The following PTGFRN variants were observed in gnomAD, a reference collection of about 807,000 sequenced individuals.
The protein encoded by PTGFRN is prostaglandin F2 receptor inhibitor.
A neutral mutation model predicts 83.2 loss-of-function variants in PTGFRN; 35 were observed. That is an observed-to-expected ratio of 0.42 (90% CI 0.32 to 0.56). The LOEUF is 0.56. Among genes scored for constraint, PTGFRN ranks in the 20% least tolerant of loss-of-function variants. The pLI is 0.11. For missense variants in PTGFRN, 1,051 were observed against 1,179.5 expected (o/e 0.89, Z 1.60); for synonymous variants, 519 against 498.6 (o/e 1.04, Z -0.55).
At chr1:116,936,351 G>A (rs1364572309) in intron 1 of PTGFRN, among the ~76,000 whole-genome samples, 1 of 152,212 alleles carries the variant, frequency 6.6e-6, no homozygotes, top group African/African-American at 2.4e-5. Flanking sequence ...GGACATCCTA[G>A]TTCTGCATGC....
chr1:116,944,717 C>A lies in PTGFRN; in HGVS notation c.457C>A (p.Pro153Thr), dbSNP rs536488109. ...CCTGCACGTGGGCCCCAGCGCGCGG[C>A]CCCCGCCGAGCCTGAGCCTGCGGGA... ...DSLHVGPSAR[P>T]PPSLSLREGE... The change falls in exon 3 of 9, where the codon CCC (proline) becomes ACC (threonine). Residue 153 changes from proline (P) to threonine (T), a missense_variant. This residue lies in a region of PTGFRN where 205 missense variants were observed against 174.5 expected (regional missense o/e 1.17). Coordinates refer to ENST00000393203, the MANE Select transcript of PTGFRN (RefSeq NM_020440.4). 539 of 1,449,224 alleles carry A rather than the reference C, an allele frequency of 3.7e-4. 1 individual carries two copies. The African/African-American group carries it at 7.5e-3, about 20-fold the overall frequency. 89.8% of individuals were successfully genotyped at this position (1,449,224 alleles called of 1,614,324 possible).
chr1:116,927,098 AAG>A (rs1348472624), intron 1 of PTGFRN, among the ~76,000 whole-genome samples: 4 of 152,172 alleles, frequency 2.6e-5, no homozygotes, highest in African/African-American at 7.2e-5. Flanking sequence ...CAGAAGCAGA[AAG>A]AGCAAGGACA....
At chr1:116,925,263 G>A (rs911161957) in intron 1 of PTGFRN, among the ~76,000 whole-genome samples, 14 of 151,876 alleles carry the variant, frequency 9.2e-5, no homozygotes, top group Admixed American at 5.2e-4. Context: ...CCCTGTCTTC[G>A]TTAAAAATAC....
intron 1 of PTGFRN, among the ~76,000 whole-genome samples, chr1:116,934,043 G>A (rs752509003): frequency 1.3e-5 from 2 of 152,088 alleles, no homozygotes; most frequent in Non-Finnish European, 2.9e-5. Context: ...TTTTTACTGT[G>A]TCTCATAGAT....
At chr1:116,972,528 C>T (rs1651032989) in intron 6 of PTGFRN, among the ~76,000 whole-genome samples, 1 of 152,174 alleles carries the variant, frequency 6.6e-6, no homozygotes, top group Non-Finnish European at 1.5e-5. Context: ...ATGTTACTCC[C>T]TCTGTCATGG....
chr1:116,953,765 T>G (rs541332664), intron 4 of PTGFRN, among the ~76,000 whole-genome samples: 3 of 152,036 alleles, frequency 2.0e-5, no homozygotes, highest in Admixed American at 2.0e-4. Flanking sequence ...CACCCAGCCC[T>G]TTTCATCCCT....
intron 5 of PTGFRN, among the ~76,000 whole-genome samples, chr1:116,964,085 C>CCG (rs1553180903): frequency 6.6e-6 from 1 of 150,638 alleles, no homozygotes; most frequent in Non-Finnish European, 1.5e-5. Flanking sequence ...GGGCGCCCCC[C>CCG]CTTTTTTATG....
intron 7 of PTGFRN, among the ~76,000 whole-genome samples, chr1:116,983,234 C>T (rs191147038): frequency 6.6e-6 from 1 of 152,254 alleles, no homozygotes; most frequent in Non-Finnish European, 1.5e-5. Flanking sequence ...GATGCTAGCC[C>T]AGGCAGCCTG....
chr1:116,984,898 A>G lies in PTGFRN; in HGVS notation c.2386A>G (p.Thr796Ala). Residue 796 changes from threonine to alanine, a missense_variant, in exon 8 of 9, where the codon ACT (threonine) becomes GCT (alanine). Physicochemically the swap from Thr to Ala is moderately conservative, Grantham distance 58. Transcript: ENST00000393203. ...QDFGNYYCSVTPWVKSPTGSW... is the reference protein window; with the variant it reads ...QDFGNYYCSVAPWVKSPTGSW... ...CTTTGGCAACTACTACTGTTCCGTGACTCCATGGGTGAAGTCACCAACAGG... is the reference window on the plus strand; with the variant it reads ...CTTTGGCAACTACTACTGTTCCGTGGCTCCATGGGTGAAGTCACCAACAGG... 1 of 1,614,064 alleles carries G rather than the reference A, an allele frequency of 6.2e-7. No individual in the cohort carries two copies. The highest frequency in any genetic ancestry group is 8.5e-7 in the Non-Finnish European group (1 of 1,180,004).
At chr1:116,920,961 C>T (rs1649522652) in intron 1 of PTGFRN, among the ~76,000 whole-genome samples, 1 of 152,192 alleles carries the variant, frequency 6.6e-6, no homozygotes, top group Non-Finnish European at 1.5e-5. Context: ...CCAATAGACT[C>T]AGCTGGCTAA....
At chr1:116,933,068 A>G (rs1456228023) in intron 1 of PTGFRN, among the ~76,000 whole-genome samples, 1 of 152,190 alleles carries the variant, frequency 6.6e-6, no homozygotes, top group African/African-American at 2.4e-5. Flanking sequence ...ACTGTACATT[A>G]TTATTCTTCC....
chr1:116,919,114 G>A (rs1649476798), intron 1 of PTGFRN, among the ~76,000 whole-genome samples: 1 of 152,210 alleles, frequency 6.6e-6, no homozygotes, highest in South Asian at 2.1e-4. Flanking sequence ...ATGGCTAGTA[G>A]TGACATAAGC....
At chr1:116,953,525 A>G (rs1650400071) in intron 4 of PTGFRN, among the ~76,000 whole-genome samples, 1 of 151,852 alleles carries the variant, frequency 6.6e-6, no homozygotes, top group Non-Finnish European at 1.5e-5. Flanking sequence ...GATAATGCAT[A>G]TAAAGTGCTT....
chr1:116,966,471 C>G (rs1650836406), intron 5 of PTGFRN, among the ~76,000 whole-genome samples: 1 of 152,342 alleles, frequency 6.6e-6, no homozygotes, highest in African/African-American at 2.4e-5. Flanking sequence ...TTCCCCTGCA[C>G]TTAGCAGACC....
In PTGFRN at chr1:116,952,819, T is replaced by A. The variant is rs1650385142; in HGVS notation, c.1213+3247T>A. The stretch of plus-strand genomic sequence containing the variant: ...AAAAGGCCCTAAATGATGGTTTAAA[T>A]GGATGTTTCTTATATCCACCCTCTA... On this transcript the variant is annotated intron_variant, in intron 4 of 8. Transcript: ENST00000393203. The surrounding 1 kb of genome is among the most constrained non-coding windows in gnomAD (Gnocchi z 4.0). Among the ~76,000 whole-genome samples, 1 of 152,256 alleles carries A rather than the reference T, an allele frequency of 6.6e-6. No individual in the cohort carries two copies. Among genetic ancestry groups the A allele is most frequent in the South Asian group, 2.1e-4 (1 of 4,832 alleles).
chr1:116,935,609 A>C (rs1397978202), intron 1 of PTGFRN, among the ~76,000 whole-genome samples: 1 of 152,218 alleles, frequency 6.6e-6, no homozygotes, highest in African/African-American at 2.4e-5. Flanking sequence ...ACCACCCCCA[A>C]ATATTTGAGT....
rs910443039 is a variant in PTGFRN, at chr1:116,987,091, C to T, written c.*124C>T. The T allele has an allele frequency of 7.0e-6, 8 of 1,140,032 alleles. No individual in the cohort carries two copies. The African/African-American group carries it at 1.2e-4, about 18-fold the overall frequency. The allele number at this position is 1,140,032 out of a possible 1,614,324, so 70.6% of individuals were successfully genotyped here. ...CAGTCCTCTCTAATCTCAGGTGGGA[C>T]TTGGCGCTCTCTCTTTTCTGCATGT... On this transcript the variant is annotated 3_prime_UTR_variant, in exon 9 of 9. Coordinates refer to ENST00000393203, the MANE Select transcript of PTGFRN (RefSeq NM_020440.4).
chr1:116,953,989 A>T (rs1359726464), intron 4 of PTGFRN, among the ~76,000 whole-genome samples: 1 of 151,386 alleles, frequency 6.6e-6, no homozygotes, highest in East Asian at 1.9e-4. Context: ...AGTAGCTGGG[A>T]CTACAGGGCG....
chr1:116,912,316 G>C (rs1649292168), intron 1 of PTGFRN, among the ~76,000 whole-genome samples: 1 of 152,184 alleles, frequency 6.6e-6, no homozygotes, highest in Admixed American at 6.5e-5. Context: ...TAACTCTGCT[G>C]TCACAGAATC....
Sources: allele counts gnomAD v4.1 joint callset (sites outside exome capture counted in the v4.1 genomes callset), GRCh38; gene constraint gnomAD v4.1.1; regional missense constraint gnomAD v4.1.1; non-coding constraint Gnocchi (gnomAD v3.1); transcripts MANE v1.5; gene names NCBI Gene and HGNC (gene_info 2026-07-23, HGNC 2026-07-21).